AOAH: variants seen among roughly 807,000 people sequenced by gnomAD.
AOAH encodes acyloxyacyl hydrolase (neutrophil).
A neutral mutation model predicts 92.2 loss-of-function variants in AOAH; 64 were observed. That is an observed-to-expected ratio of 0.69 (90% CI 0.57 to 0.86). The LOEUF is 0.86. AOAH is among the 40% of genes least tolerant of loss of function. The probability of loss-of-function intolerance (pLI) is 0.00; values close to 1 mark genes in which losing one functional copy is unlikely to be tolerated. For missense variants in AOAH, 656 were observed against 694.6 expected (o/e 0.94, Z 0.62); for synonymous variants, 263 against 254.5 (o/e 1.03, Z -0.32).
intron 2 of AOAH, among the ~76,000 whole-genome samples, chr7:36,675,084 G>A (rs376352717): frequency 5.9e-5 from 9 of 152,232 alleles, no homozygotes; most frequent in South Asian, 2.1e-4. Context: ...GTGAAACCCC[G>A]TCTCTCCTAA....
chr7:36,618,256 ATATC>A, intron 10 of AOAH, 37 bp downstream of exon 10: 1 of 1,576,936 alleles, frequency 6.3e-7, no homozygotes, highest in Non-Finnish European at 8.7e-7. Context: ...CTAGAAAAGA[ATATC>A]TATCATTATA....
intron 13 of AOAH, among the ~76,000 whole-genome samples, chr7:36,558,596 A>G (rs4504542): frequency 0.98 from 148,622 of 152,370 alleles, 72,595 homozygotes; most frequent in South Asian, 1. Flanking sequence ...TACAGAGGCC[A>G]GCAGGCCTCC....
At chr7:36,683,654 G>T (rs1303825713) in intron 2 of AOAH, among the ~76,000 whole-genome samples, 1 of 152,122 alleles carries the variant, frequency 6.6e-6, no homozygotes, top group Non-Finnish European at 1.5e-5. Context: ...TGACAATTGG[G>T]AGTTTGTGTG....
chr7:36,564,511 G>T (rs779742454), intron 13 of AOAH, among the ~76,000 whole-genome samples: 15 of 152,250 alleles, frequency 9.9e-5, no homozygotes, highest in Non-Finnish European at 1.6e-4. Context: ...GAAGACCAGA[G>T]GTAAAAGCCT....
chr7:36,551,845 T>G (rs975192670), intron 13 of AOAH, among the ~76,000 whole-genome samples: 4 of 152,218 alleles, frequency 2.6e-5, no homozygotes, highest in African/African-American at 7.2e-5. Flanking sequence ...TTAATTTTTT[T>G]TAGAAATGAC....
At chr7:36,663,044 C>T (rs1483763069) in intron 3 of AOAH, among the ~76,000 whole-genome samples, 1 of 152,166 alleles carries the variant, frequency 6.6e-6, no homozygotes, top group Non-Finnish European at 1.5e-5. Flanking sequence ...AACTACGCCT[C>T]ATTTGCTGAA....
intron 4 of AOAH, among the ~76,000 whole-genome samples, chr7:36,656,072 A>G (rs1400291735): frequency 1.3e-5 from 2 of 152,146 alleles, no homozygotes; most frequent in Non-Finnish European, 2.9e-5. Flanking sequence ...GTGGAAGGTC[A>G]TATTTTTCCT....
intron 15 of AOAH, 84 bp from the exon 16 acceptor site, chr7:36,540,575 C>T (rs1442708424): frequency 1.7e-6 from 2 of 1,208,136 alleles, no homozygotes; most frequent in Non-Finnish European, 2.4e-6. Context: ...AGATACATCA[C>T]ACACACATAC....
Position 36,532,139 on chromosome 7 carries a change from A to C in AOAH, c.1425+8T>G, listed in dbSNP as rs1157297001. 1 of 1,614,184 alleles carries C rather than the reference A, an allele frequency of 6.2e-7. No homozygotes were observed. The highest frequency in any genetic ancestry group is 2.2e-5 in the East Asian group (1 of 44,890). ...AAGATGGTATCAAAAGGCCTGTGAC[A>C]GTCATACCTCTGAAGTGAGAGTCCG... On this transcript the variant is annotated splice_region_variant and intron_variant, in intron 18 of 20. Transcript: ENST00000617537.
intron 11 of AOAH, among the ~76,000 whole-genome samples, chr7:36,596,587 A>G (rs915460656): frequency 8.5e-5 from 13 of 152,204 alleles, no homozygotes; most frequent in Non-Finnish European, 5.9e-5. Flanking sequence ...AGGCCGTGCA[A>G]TGGTGGAGGC....
intron 6 of AOAH, among the ~76,000 whole-genome samples, chr7:36,627,101 A>G (rs1388933211): frequency 6.6e-6 from 1 of 152,226 alleles, no homozygotes; most frequent in Non-Finnish European, 1.5e-5. Context: ...GAATCATATT[A>G]GATACCAGAG....
chr7:36,620,190 T>C (rs1201579700), intron 9 of AOAH, among the ~76,000 whole-genome samples: 7 of 152,206 alleles, frequency 4.6e-5, no homozygotes, highest in African/African-American at 1.7e-4. Context: ...CTTTTTTTCA[T>C]GAGGAACCCT....
chr7:36,611,182 T>C (rs926863169), intron 11 of AOAH, among the ~76,000 whole-genome samples: 3 of 152,198 alleles, frequency 2.0e-5, no homozygotes, highest in Admixed American at 2.0e-4. Context: ...AGAGGAATGT[T>C]AATCTAGAGA....
In AOAH at chr7:36,514,471, C is replaced by G. The variant is rs1211481432; in HGVS notation, c.1600-1091G>C. On this transcript the variant is annotated intron_variant, in intron 20 of 20. Coordinates refer to ENST00000617537, the MANE Select transcript of AOAH (RefSeq NM_001637.4). The stretch of plus-strand genomic sequence containing the variant: ...TCTGGCTTTCCCAGCCTGAGGCTTA[C>G]TCTCTGGTTCTGCTGTCGCATGTCA... The G allele has an allele frequency of 4.6e-6, 7 of 1,533,658 alleles. No homozygotes were observed. In the South Asian group the frequency reaches 6.0e-5, roughly 13 times the overall value.
intron 11 of AOAH, among the ~76,000 whole-genome samples, chr7:36,605,542 C>T (rs1790938450): frequency 6.6e-6 from 1 of 152,234 alleles, no homozygotes; most frequent in Non-Finnish European, 1.5e-5. Flanking sequence ...GTCTTTATTT[C>T]ATGTTCTGGC....
At chr7:36,566,359 CTTTTTTTT>C (rs11363143) in intron 13 of AOAH, among the ~76,000 whole-genome samples, 1 of 120,700 alleles carries the variant, frequency 8.3e-6, no homozygotes, top group Admixed American at 8.6e-5. Context: ...TCATCCTTAA[CTTTTTTTT>C]TTTTTTTTTT....
chr7:36,615,309 G>T (rs1485517401), intron 11 of AOAH, among the ~76,000 whole-genome samples: 1 of 152,154 alleles, frequency 6.6e-6, no homozygotes, highest in East Asian at 1.9e-4. Context: ...ACATTAAATA[G>T]CAAATAAGAA....
chr7:36,589,415 C>T (rs1789587966), intron 12 of AOAH, among the ~76,000 whole-genome samples: 1 of 152,224 alleles, frequency 6.6e-6, no homozygotes, highest in African/African-American at 2.4e-5. Context: ...TCAAGAACTT[C>T]AGGCTCTGAC....
intron 16 of AOAH, among the ~76,000 whole-genome samples, chr7:36,536,516 A>T (rs894235713): frequency 1.6e-4 from 25 of 152,300 alleles, no homozygotes; most frequent in African/African-American, 4.6e-4. Flanking sequence ...AGGCCGGCCC[A>T]GCATGAACCC....
Sources: gnomAD v4.1 joint callset for allele counts (sites outside exome capture counted in the v4.1 genomes callset) on GRCh38, gnomAD v4.1.1 for gene constraint, MANE v1.5 for transcripts, NCBI Gene and HGNC (gene_info 2026-07-23, HGNC 2026-07-21) for gene names.